Variants in ANAPC4 observed in about 807,000 individuals in gnomAD.
ANAPC4 encodes anaphase promoting complex subunit 4.
A neutral mutation model predicts 119.8 loss-of-function variants in ANAPC4; 63 were observed. The ratio of observed to expected loss-of-function variants is 0.53; its 90% CI spans 0.43 to 0.65. ANAPC4 has a LOEUF of 0.65. Ranked by LOEUF, ANAPC4 falls within the 30% of genes least tolerant of loss-of-function variation. The probability of loss-of-function intolerance (pLI) is 0.00; values close to 1 mark genes in which losing one functional copy is unlikely to be tolerated. For synonymous variants in ANAPC4, 283 were observed against 318.6 expected, an observed-to-expected ratio of 0.89 and a Z score of 1.19; for missense variants, 716 against 945.1, an observed-to-expected ratio of 0.76 and a Z score of 3.18.
Position 25,377,396 on chromosome 4 carries a change from TCTGA to T in ANAPC4, c.-10-18_-10-15del. ...GGAGAGCCGGGGGCTCCTGCCGGCC[TCTGA>T]CTGGGGTGTCGTTGCAGGGCCGTCC... is the stretch of plus-strand genomic sequence containing the variant. On this transcript the variant is annotated intron_variant, in intron 1 of 28. Transcript: ENST00000315368. 2 of 1,611,168 alleles carry T rather than the reference TCTGA, an allele frequency of 1.2e-6. No homozygotes were observed. Among genetic ancestry groups the T allele is most frequent in the South Asian group, 2.2e-5 (2 of 90,918 alleles).
At chr4:25,415,623 G>A (rs112381352) in intron 26 of ANAPC4, 83 bp downstream of exon 26, 4 of 1,176,336 alleles carry the variant, frequency 3.4e-6, no homozygotes, top group African/African-American at 1.5e-5. Flanking sequence ...ACTCAGTTAC[G>A]GTGGTAATAT....
At chr4:25,390,439 T>C (rs1280328970) in intron 8 of ANAPC4, among the ~76,000 whole-genome samples, 4 of 152,194 alleles carry the variant, frequency 2.6e-5, no homozygotes, top group African/African-American at 9.6e-5. Context: ...TTTTTTTCTT[T>C]TTCTTTAACA....
chr4:25,399,109 C>A (rs1722814147), intron 16 of ANAPC4, among the ~76,000 whole-genome samples: 1 of 151,974 alleles, frequency 6.6e-6, no homozygotes, highest in African/African-American at 2.4e-5. Context: ...TATAATTTAT[C>A]TTTTCTGAAA....
chr4:25,388,976 A>G (rs1560432593), intron 7 of ANAPC4, 94 bp downstream of exon 7: 3 of 1,045,860 alleles, frequency 2.9e-6, no homozygotes, highest in Non-Finnish European at 4.2e-6. Flanking sequence ...TTTATTTGCC[A>G]TTTTATTTCA....
At chr4:25,407,777 C>T (rs28446730) in intron 20 of ANAPC4, among the ~76,000 whole-genome samples, 61,566 of 151,694 alleles carry the variant, frequency 0.41, 14,520 homozygotes, top group Non-Finnish European at 0.52. Flanking sequence ...TGCCTATAAT[C>T]CCAGCTACTC....
At chr4:25,386,145 T>A (rs1382106190) in intron 4 of ANAPC4, among the ~76,000 whole-genome samples, 1 of 152,086 alleles carries the variant, frequency 6.6e-6, no homozygotes, top group Non-Finnish European at 1.5e-5. Flanking sequence ...ACTTCCGACC[T>A]CAGGTAACCC....
At chr4:25,412,157 T>C (rs1723606736) in intron 21 of ANAPC4, among the ~76,000 whole-genome samples, 1 of 152,166 alleles carries the variant, frequency 6.6e-6, no homozygotes, top group South Asian at 2.1e-4. Flanking sequence ...GTAAAGAATA[T>C]GACTCAGGAA....
intron 21 of ANAPC4, among the ~76,000 whole-genome samples, chr4:25,410,806 T>C (rs1331937007): frequency 2.6e-5 from 4 of 152,188 alleles, no homozygotes; most frequent in Non-Finnish European, 5.9e-5. Context: ...ATTAAATATA[T>C]TGTATAAGAT....
rs755989404 is a variant in ANAPC4 at position 25,407,166 on chromosome 4, TA to T, written c.1375-29del. ...AGATATTTTTCTTCGTGAGTTGACT[TA>T]AGAATTAAACTATGTTTATTTTTTT... On this transcript the variant is annotated intron_variant, in intron 19 of 28. Transcript: ENST00000315368. 4 of 1,560,508 alleles carry T rather than the reference TA, an allele frequency of 2.6e-6. No homozygotes were observed. The South Asian group carries it at 3.5e-5, about 14-fold the overall frequency.
chr4:25,392,492 C>A, intron 10 of ANAPC4, 71 bp downstream of exon 10: 2 of 1,358,802 alleles, frequency 1.5e-6, no homozygotes, highest in South Asian at 1.2e-5. Context: ...TAAAAAGCTT[C>A]AAAATTTTGT....
rs997167241 is a variant in ANAPC4, at chr4:25,413,925, A to G, written c.1623+183A>G. On this transcript the variant is annotated intron_variant, in intron 22 of 28. Coordinates refer to ENST00000315368, the MANE Select transcript of ANAPC4 (RefSeq NM_013367.3). ...CCTAATACTCCAACTTAAGTTTCTT[A>G]CACACGTGTGTGTGTGTGTGTGTGT... is the stretch of plus-strand genomic sequence containing the variant. 18 of 558,720 alleles carry G rather than the reference A, an allele frequency of 3.2e-5. No homozygotes were observed. The African/African-American group carries it at 3.5e-4, about 11-fold the overall frequency. 34.6% of individuals were successfully genotyped at this position (558,720 alleles called of 1,614,324 possible).
intron 26 of ANAPC4, 71 bp from the exon 27 acceptor site, chr4:25,416,354 A>T (rs1384324957): frequency 1.9e-6 from 2 of 1,074,256 alleles, no homozygotes; most frequent in African/African-American, 1.6e-5. Flanking sequence ...TGCTGCCAGT[A>T]TAACATGCAT....
At chr4:25,384,367 C>G (rs897082762) in intron 4 of ANAPC4, among the ~76,000 whole-genome samples, 1 of 152,154 alleles carries the variant, frequency 6.6e-6, no homozygotes, top group African/African-American at 2.4e-5. Flanking sequence ...CTTCCAAACT[C>G]CTGTTAATGT....
At chr4:25,413,458 G>T in intron 21 of ANAPC4, 187 bp from the exon 22 acceptor site, 1 of 493,266 alleles carries the variant, frequency 2.0e-6, no homozygotes, top group South Asian at 3.5e-5. Context: ...TGTCAGCGGG[G>T]GTTGATGAAA....
At chr4:25,401,012 C>T (rs1722934193) in intron 16 of ANAPC4, among the ~76,000 whole-genome samples, 1 of 152,112 alleles carries the variant, frequency 6.6e-6, no homozygotes, top group Non-Finnish European at 1.5e-5. Flanking sequence ...CCATTCTCTT[C>T]AATTTCTTAT....
At chr4:25,383,927 A>G (rs1039236221) in intron 4 of ANAPC4, among the ~76,000 whole-genome samples, 6 of 152,174 alleles carry the variant, frequency 3.9e-5, no homozygotes, top group African/African-American at 9.7e-5. Flanking sequence ...CTTAACATCA[A>G]CAACAGTGGA....
chr4:25,383,462 G>C, intron 4 of ANAPC4, 69 bp downstream of exon 4: 2 of 1,397,002 alleles, frequency 1.4e-6, no homozygotes, highest in Non-Finnish European at 1.9e-6. Context: ...GGAAACTTAG[G>C]AGTATCTGAG....
chr4:25,388,791 T>A lies in ANAPC4; in HGVS notation c.471-47T>A, dbSNP rs765259045. ...TTCAAGTAAGATAATCTGCTATTAT[T>A]TGGAAGACAGAATTGAAAGATGACC... On this transcript the variant is annotated intron_variant, in intron 6 of 28. Transcript: ENST00000315368. 1.9e-5 allele frequency: 30 copies of A among 1,600,618 alleles called. No individual in the cohort carries two copies. In the South Asian group the frequency reaches 3.1e-4, roughly 16 times the overall value.
intron 21 of ANAPC4, chr4:25,412,939 A>AAAT (rs1723656000): frequency 6.6e-6 from 1 of 152,148 alleles, no homozygotes; most frequent in Non-Finnish European, 1.5e-5. Context: ...GGCTTTATCT[A>AAAT]AGGGAGGGCC....
Sources: allele counts gnomAD v4.1 joint callset (sites outside exome capture counted in the v4.1 genomes callset), GRCh38; gene constraint gnomAD v4.1.1; transcripts MANE v1.5; gene names NCBI Gene and HGNC (gene_info 2026-07-23, HGNC 2026-07-21).